STPG4: variants seen among roughly 807,000 people sequenced by gnomAD.
STPG4 encodes the protein sperm-tail PG-rich repeat containing 4.
In STPG4, 41 loss-of-function variants were observed where a neutral mutation model predicts 31.5. That is an observed-to-expected ratio of 1.30 (90% CI 1.01 to 1.69). The LOEUF is 1.69. STPG4 is among the 40% of genes most tolerant of loss of function. The pLI is 0.00. For synonymous variants in STPG4, 141 were observed against 103.0 expected, an observed-to-expected ratio of 1.37 and a Z score of -2.24; for missense variants, 375 against 293.4, an observed-to-expected ratio of 1.28 and a Z score of -2.03.
At chr2:47,128,370 A>G (rs1480906162) in intron 5 of STPG4, among the ~76,000 whole-genome samples, 1 of 152,116 alleles carries the variant, frequency 6.6e-6, no homozygotes, top group Non-Finnish European at 1.5e-5. Flanking sequence ...TCAAGGCCCA[A>G]AGGCTCTTCC....
chr2:47,090,416 T>C (rs1481072023), intron 5 of STPG4, 42 bp from the exon 6 acceptor site: 1 of 1,272,248 alleles, frequency 7.9e-7, no homozygotes, highest in African/African-American at 1.5e-5. Context: ...TATTGTACAT[T>C]TGATATATTT....
In STPG4 at chr2:47,140,894, CT is replaced by C. The variant is rs11379597; in HGVS notation, c.399+10363del. ...CTGGCAGGTACCATATTTCCAGGTA[CT>C]TTTTTTTTTTTCTTTTTAAGACAGG... On this transcript the variant is annotated intron_variant, in intron 3 of 6. Coordinates refer to ENST00000445927, the MANE Select transcript of STPG4 (RefSeq NM_001163561.2). Among the ~76,000 whole-genome samples, 378 of 147,924 alleles carry C rather than the reference CT, an allele frequency of 2.6e-3. 2 individuals are homozygous for C. The highest frequency in any genetic ancestry group is 3.0e-3 in the East Asian group (15 of 5,026).
At chr2:47,131,742 G>A (rs976445154) in intron 3 of STPG4, among the ~76,000 whole-genome samples, 2 of 152,182 alleles carry the variant, frequency 1.3e-5, no homozygotes, top group Non-Finnish European at 1.5e-5. Flanking sequence ...TCAAGCAAGG[G>A]TCTTCCAAGA....
At chr2:47,093,555 G>C (rs1685612777) in intron 5 of STPG4, among the ~76,000 whole-genome samples, 1 of 152,210 alleles carries the variant, frequency 6.6e-6, no homozygotes. Flanking sequence ...GCCATCTGCA[G>C]AATGGCTAAG....
Position 47,116,914 on chromosome 2 carries a change from G to A in STPG4, c.519+13027C>T, listed in dbSNP as rs557869693. Among the ~76,000 whole-genome samples, 10 of 152,282 alleles carry A rather than the reference G, an allele frequency of 6.6e-5. No individual in the cohort carries two copies. In the South Asian group the frequency reaches 1.9e-3, roughly 28 times the overall value. ...AGGCATTGCTGCAGTGAGTGAGAAAGATATAAATACAAATTTCCCTTCCTG... is the reference window on the plus strand; with the variant it reads ...AGGCATTGCTGCAGTGAGTGAGAAAAATATAAATACAAATTTCCCTTCCTG... On this transcript the variant is annotated intron_variant, in intron 5 of 6. Coordinates refer to ENST00000445927, the MANE Select transcript of STPG4 (RefSeq NM_001163561.2).
At chr2:47,111,727 C>A (rs79325060) in intron 5 of STPG4, among the ~76,000 whole-genome samples, 5,662 of 152,158 alleles carry the variant, frequency 0.037, 267 homozygotes, top group South Asian at 0.13. Context: ...GCGTCTACCC[C>A]AAAAGGCACA....
chr2:47,098,788 G>A (rs1164381669), intron 5 of STPG4, among the ~76,000 whole-genome samples: 1 of 150,498 alleles, frequency 6.6e-6, no homozygotes, highest in Non-Finnish European at 1.5e-5. Flanking sequence ...CAGCAAGGAG[G>A]ACAGAATCCT....
At chr2:47,145,284 T>C (rs916765968) in intron 3 of STPG4, among the ~76,000 whole-genome samples, 2 of 152,198 alleles carry the variant, frequency 1.3e-5, no homozygotes, top group Non-Finnish European at 1.5e-5. Context: ...AGATACCCAC[T>C]GGAATTTGAG....
intron 5 of STPG4, among the ~76,000 whole-genome samples, chr2:47,100,083 A>G (rs1177217444): frequency 6.6e-6 from 1 of 152,084 alleles, no homozygotes; most frequent in Non-Finnish European, 1.5e-5. Flanking sequence ...CAAGGTGCCC[A>G]GTCCCATCGA....
intron 5 of STPG4, among the ~76,000 whole-genome samples, chr2:47,122,283 T>C (rs1686288095): frequency 2.6e-5 from 4 of 152,218 alleles, no homozygotes. Context: ...CTAGTCTACA[T>C]TTGCCTGTTA....
At position 47,118,421 on chromosome 2, in the gene STPG4, T is replaced by A. The variant is rs548146957; in HGVS notation, c.519+11520A>T. On this transcript the variant is annotated intron_variant, in intron 5 of 6. Coordinates refer to ENST00000445927, the MANE Select transcript of STPG4 (RefSeq NM_001163561.2). ...AAACAAGCTCAGGGCTCCCTCTGAT[T>A]CTACATTATGGTGAGTTGTATAATT... 5.9e-5 allele frequency among the ~76,000 whole-genome samples: 9 copies of A among 152,326 alleles called. No homozygotes were observed. In the South Asian group the frequency reaches 1.7e-3, roughly 28 times the overall value.
chr2:47,129,821 T>A lies in STPG4; in HGVS notation c.519+120A>T, dbSNP rs561350166. ...GTGGATAATTGTGTGGATAATGGTG[T>A]TCCTGCTAGGGGGAACGATCACTGG... On this transcript the variant is annotated intron_variant, in intron 5 of 6. Coordinates refer to ENST00000445927, the MANE Select transcript of STPG4 (RefSeq NM_001163561.2). The A allele has an allele frequency of 8.7e-6, 11 of 1,261,926 alleles. No individual in the cohort carries two copies. In the Admixed American group the frequency reaches 2.8e-4, roughly 32 times the overall value. The allele number at this position is 1,261,926 out of a possible 1,614,324, so 78.2% of individuals were successfully genotyped here.
chr2:47,144,731 T>C (rs1414796144), intron 3 of STPG4, among the ~76,000 whole-genome samples: 3 of 152,022 alleles, frequency 2.0e-5, no homozygotes, highest in Non-Finnish European at 4.4e-5. Flanking sequence ...AAAAGAGTTT[T>C]TTTGTTTTTT....
At chr2:47,155,093 T>G in intron 1 of STPG4, 78 bp downstream of exon 1, 2 of 1,389,140 alleles carry the variant, frequency 1.4e-6, no homozygotes, top group Non-Finnish European at 2.0e-6. Flanking sequence ...AGGCCTGGGA[T>G]TAGAGAGCGG....
Position 47,087,005 on chromosome 2 carries a change from A to G in STPG4, c.*3T>C, listed in dbSNP as rs1685468571. The G allele has an allele frequency of 6.4e-7, 1 of 1,551,588 alleles. No individual in the cohort carries two copies. On this transcript the variant is annotated 3_prime_UTR_variant, in exon 7 of 7. Transcript: ENST00000445927. ...CAAAGTAGAGCTTGGTGCCAAGATCACTTTATTTTAAAAGCCAATTGTTGT... is the reference window on the plus strand; with the variant it reads ...CAAAGTAGAGCTTGGTGCCAAGATCGCTTTATTTTAAAAGCCAATTGTTGT...
chr2:47,115,064 G>T (rs890784764), intron 5 of STPG4, among the ~76,000 whole-genome samples: 3 of 152,104 alleles, frequency 2.0e-5, no homozygotes, highest in Non-Finnish European at 2.9e-5. Context: ...CACCATGCCT[G>T]GCCTATTTCT....
At position 47,109,965 on chromosome 2, in the gene STPG4, T is replaced by C. The variant is rs147299351; in HGVS notation, c.520-19591A>G. Among the ~76,000 whole-genome samples, 525 of 150,972 alleles carry C rather than the reference T, an allele frequency of 3.5e-3. 3 individuals are homozygous for C. The highest frequency in any genetic ancestry group is 0.013 in the African/African-American group (509 of 40,324). ...CATTTGTATCTGTACAGACTCCTGG[T>C]TGTCTAATCCTTTCCTTATTCTTTA... On this transcript the variant is annotated intron_variant, in intron 5 of 6. Coordinates refer to ENST00000445927, the MANE Select transcript of STPG4 (RefSeq NM_001163561.2).
At chr2:47,134,564 C>G (rs1353973267) in intron 3 of STPG4, among the ~76,000 whole-genome samples, 1 of 152,144 alleles carries the variant, frequency 6.6e-6, no homozygotes, top group Non-Finnish European at 1.5e-5. Context: ...GAATAATATT[C>G]CATTGTCTGG....
rs190979181 is a variant in STPG4 at position 47,103,785 on chromosome 2, G to C, written c.520-13411C>G. Among the ~76,000 whole-genome samples, 680 of 152,030 alleles carry C rather than the reference G, an allele frequency of 4.5e-3. 11 individuals carry two copies. Among genetic ancestry groups the C allele is most frequent in the Non-Finnish European group, 3.0e-3 (206 of 68,014 alleles). ...AACAACAGGACTGAGGGTGCCCGGG[G>C]CAAGTGCCAGCTCATGTCATCACCC... is the stretch of plus-strand genomic sequence containing the variant. On this transcript the variant is annotated intron_variant, in intron 5 of 6. Coordinates refer to ENST00000445927, the MANE Select transcript of STPG4 (RefSeq NM_001163561.2).
Sources: gnomAD v4.1 joint callset for allele counts (sites outside exome capture counted in the v4.1 genomes callset) on GRCh38, gnomAD v4.1.1 for gene constraint, MANE v1.5 for transcripts, NCBI Gene and HGNC (gene_info 2026-07-23, HGNC 2026-07-21) for gene names.